The following ADAT1 variants were observed in gnomAD, a reference collection of about 807,000 sequenced individuals.
The protein encoded by ADAT1 is tRNA-specific adenosine deaminase 1.
ADAT1 carries 58 observed loss-of-function variants against 58.6 expected under a neutral mutation model. That is an observed-to-expected ratio of 0.99 (90% CI 0.80 to 1.23). The LOEUF is 1.23. ADAT1 is among the 50% of genes most tolerant of loss of function. ADAT1 has a pLI of 0.00. For synonymous variants in ADAT1, 254 were observed against 220.8 expected (o/e 1.15, Z -1.33); for missense variants, 741 against 608.6 (o/e 1.22, Z -2.29).
intron 8 of ADAT1, among the ~76,000 whole-genome samples, chr16:75,605,810 G>A (rs956030524): frequency 1.8e-4 from 27 of 151,454 alleles, no homozygotes; most frequent in African/African-American, 6.6e-4. Flanking sequence ...GATGGCAGGC[G>A]CCTGTAATCC....
chr16:75,618,285 T>G (rs1467414497), intron 4 of ADAT1, among the ~76,000 whole-genome samples: 1 of 151,804 alleles, frequency 6.6e-6, no homozygotes, highest in Non-Finnish European at 1.5e-5. Context: ...GGCGTGTGGA[T>G]AATGAGGTCA....
At position 75,612,437 on chromosome 16, in the gene ADAT1, C is replaced by G; in HGVS notation, c.849G>C (p.Leu283=). The G allele has an allele frequency of 6.2e-7, 1 of 1,614,242 alleles. No homozygotes were observed. Among genetic ancestry groups the G allele is most frequent in the Middle Eastern group, 1.6e-4 (1 of 6,062 alleles). ...KPGAAFHQVG[L]LRVKPGRGDR... ...CTCCACGGCCTGGCTTCACTCGGAG[C>G]AGCCCCACCTGGTGAAACGCAGCAC... Residue 283 remains leucine, a synonymous_variant, in exon 6 of 10, where the codon CTG becomes CTC. Coordinates refer to ENST00000564657, the MANE Select transcript of ADAT1 (RefSeq NM_001324445.2).
chr16:75,616,564 G>A (rs186829951), intron 5 of ADAT1, among the ~76,000 whole-genome samples: 9 of 152,158 alleles, frequency 5.9e-5, no homozygotes, highest in Admixed American at 5.9e-4. Context: ...AACAAAAGAC[G>A]GAAATGACAC....
rs148629839 is a variant in ADAT1 at position 75,597,331 on chromosome 16, G to A, written c.*2885C>T. On this transcript the variant is annotated 3_prime_UTR_variant, in exon 10 of 10. Transcript: ENST00000564657. ...CAGACACAGAAGGCCATGTGAAGAC[G>A]GAGGGAGAAACTGAAGTGATGCAGC... The A allele has an allele frequency of 1.6e-3, 726 of 446,572 alleles. 1 individual carries two copies. Among genetic ancestry groups the A allele is most frequent in the Non-Finnish European group, 2.7e-3 (606 of 222,826 alleles). The allele number at this position is 446,572 out of a possible 1,614,324, so 27.7% of individuals were successfully genotyped here. A position where few individuals can be genotyped will look rare whatever the true frequency, so the allele number is the denominator to read the frequency against.
chr16:75,603,048 T>C (rs1047580944), intron 9 of ADAT1, 37 bp downstream of exon 9: 2 of 1,578,656 alleles, frequency 1.3e-6, no homozygotes, highest in East Asian at 4.5e-5. Context: ...AACAGTTGTC[T>C]ACCTAAATAT....
At chr16:75,605,623 T>C (rs2081347863) in intron 8 of ADAT1, among the ~76,000 whole-genome samples, 1 of 152,046 alleles carries the variant, frequency 6.6e-6, no homozygotes. Flanking sequence ...TATTTGTATA[T>C]GATGATCTAC....
At chr16:75,617,877 A>C (rs1391608778) in intron 4 of ADAT1, among the ~76,000 whole-genome samples, 3 of 150,072 alleles carry the variant, frequency 2.0e-5, no homozygotes, top group Admixed American at 1.3e-4. Context: ...CTTGAGCCCC[A>C]GGAATCCAAC....
chr16:75,612,091 A>C, intron 6 of ADAT1, 152 bp downstream of exon 6: 1 of 954,194 alleles, frequency 1.0e-6, no homozygotes, highest in Non-Finnish European at 1.5e-6. Context: ...ACAAAGCTAA[A>C]TGTTCAAATA....
intron 5 of ADAT1, among the ~76,000 whole-genome samples, chr16:75,615,184 G>GAA (rs11383665): frequency 2.4e-4 from 31 of 130,972 alleles, no homozygotes; most frequent in South Asian, 1.6e-3. Flanking sequence ...CCGAGATCGA[G>GAA]AAAAAAAAAA....
chr16:75,605,814 G>A (rs573033689), intron 8 of ADAT1, among the ~76,000 whole-genome samples: 3 of 151,766 alleles, frequency 2.0e-5, no homozygotes, highest in East Asian at 3.9e-4. Context: ...GCAGGCGCCT[G>A]TAATCCCAGC....
At chr16:75,601,118 A>C (rs1157838792) in intron 9 of ADAT1, among the ~76,000 whole-genome samples, 1 of 152,194 alleles carries the variant, frequency 6.6e-6, no homozygotes, top group East Asian at 1.9e-4. Context: ...AAGCAGGCGG[A>C]TCACCTGAGG....
intron 6 of ADAT1, among the ~76,000 whole-genome samples, chr16:75,610,788 C>T (rs537302608): frequency 6.6e-6 from 1 of 152,238 alleles, no homozygotes; most frequent in Non-Finnish European, 1.5e-5. Context: ...GAGTGGTCAT[C>T]TTTTGACTTT....
At chr16:75,620,009 C>A (rs921200439) in intron 3 of ADAT1, among the ~76,000 whole-genome samples, 2 of 151,910 alleles carry the variant, frequency 1.3e-5, no homozygotes, top group Non-Finnish European at 2.9e-5. Flanking sequence ...AATAGCTAAA[C>A]CCAGGGACTC....
In ADAT1 at chr16:75,599,242, C is replaced by T. The variant is rs929209613; in HGVS notation, c.*974G>A. On this transcript the variant is annotated 3_prime_UTR_variant, in exon 10 of 10. Coordinates refer to ENST00000564657, the MANE Select transcript of ADAT1 (RefSeq NM_001324445.2). ...GATTACAGGTGTGCGCCACCATGCCCGGCTAGTTTTTGCATTTTTAGTAGA... is the reference window on the plus strand; with the variant it reads ...GATTACAGGTGTGCGCCACCATGCCTGGCTAGTTTTTGCATTTTTAGTAGA... 55 of 831,144 alleles carry T rather than the reference C, an allele frequency of 6.6e-5. No individual in the cohort carries two copies. In the East Asian group the frequency reaches 7.5e-4, roughly 11 times the overall value. 51.5% of individuals were successfully genotyped at this position (831,144 alleles called of 1,614,324 possible). A position where few individuals can be genotyped will look rare whatever the true frequency, so the allele number is the denominator to read the frequency against.
intron 3 of ADAT1, 57 bp downstream of exon 3, chr16:75,620,209 A>G: frequency 6.4e-7 from 1 of 1,567,890 alleles, no homozygotes; most frequent in Middle Eastern, 1.7e-4. Context: ...CAAGGAGAGT[A>G]AAACATGGAC....
rs1289913425 is a variant in ADAT1 at position 75,597,843 on chromosome 16, G to C, written c.*2373C>G. ...GCCACTGCTGGTATGACAGGAGGAG[G>C]AGCTACGGCAGAAATGTGAGCGATG... On this transcript the variant is annotated 3_prime_UTR_variant, in exon 10 of 10. Coordinates refer to ENST00000564657, the MANE Select transcript of ADAT1 (RefSeq NM_001324445.2). Among the ~76,000 whole-genome samples the C allele has an allele frequency of 1.3e-5, 2 of 152,158 alleles. No individual in the cohort carries two copies. The highest frequency in any genetic ancestry group is 4.8e-5 in the African/African-American group (2 of 41,428).
chr16:75,612,902 G>C (rs761207306), intron 5 of ADAT1, 41 bp from the exon 6 acceptor site: 26 of 1,582,272 alleles, frequency 1.6e-5, no homozygotes, highest in Non-Finnish European at 6.0e-6. Context: ...GTTCTCAAGT[G>C]AGGTCCCTGG....
intron 5 of ADAT1, among the ~76,000 whole-genome samples, chr16:75,614,830 G>A (rs1185009131): frequency 6.6e-6 from 1 of 152,174 alleles, no homozygotes; most frequent in Non-Finnish European, 1.5e-5. Flanking sequence ...AACCATGGGA[G>A]GACATCACAT....
chr16:75,606,053 G>GC (rs1213772511), intron 8 of ADAT1, among the ~76,000 whole-genome samples: 61 of 43,446 alleles, frequency 1.4e-3, no homozygotes, highest in Admixed American at 0.011. Context: ...TTAGAGATTG[G>GC]GGGGGGGGTC....
Sources: allele counts gnomAD v4.1 joint callset (sites outside exome capture counted in the v4.1 genomes callset), GRCh38; gene constraint gnomAD v4.1.1; transcripts MANE v1.5; gene names NCBI Gene and HGNC (gene_info 2026-07-23, HGNC 2026-07-21).